MARCHF1: variants seen among roughly 807,000 people sequenced by gnomAD.
MARCHF1 encodes the protein membrane associated ring-CH-type finger 1.
A neutral mutation model predicts 54.2 loss-of-function variants in MARCHF1; 40 were observed. The ratio of observed to expected loss-of-function variants is 0.74; its 90% confidence interval spans 0.57 to 0.96. The LOEUF (loss-of-function observed/expected upper bound fraction) is 0.96. MARCHF1 is among the 40% of genes least tolerant of loss of function. The pLI is 0.00. For synonymous variants in MARCHF1, 236 were observed against 236.3 expected, an observed-to-expected ratio of 1.00 and a Z score of 0.01; for missense variants, 586 against 656.5, an observed-to-expected ratio of 0.89 and a Z score of 1.17.
intron 4 of MARCHF1, among the ~76,000 whole-genome samples, chr4:163,771,238 G>A (rs1245638764): frequency 6.6e-6 from 1 of 152,162 alleles, no homozygotes; most frequent in African/African-American, 2.4e-5. Flanking sequence ...GGAGAGGCCA[G>A]GGATGTTATT....
chr4:164,350,729 G>A (rs1444968532), intron 1 of MARCHF1, among the ~76,000 whole-genome samples: 1 of 152,200 alleles, frequency 6.6e-6, no homozygotes, highest in East Asian at 1.9e-4. Flanking sequence ...TTTAGGAGAA[G>A]CCAGTTCAAT....
At chr4:163,782,790 A>G (rs1314099894) in intron 4 of MARCHF1, among the ~76,000 whole-genome samples, 2 of 152,164 alleles carry the variant, frequency 1.3e-5, no homozygotes, top group African/African-American at 4.8e-5. Context: ...AAGTCAGACA[A>G]GTGTAGCAGT....
At chr4:163,800,240 C>T (rs1211169135) in intron 4 of MARCHF1, among the ~76,000 whole-genome samples, 1 of 151,898 alleles carries the variant, frequency 6.6e-6, no homozygotes, top group Admixed American at 6.6e-5. Context: ...TATAGCCAAA[C>T]CTATACATGT....
intron 5 of MARCHF1, among the ~76,000 whole-genome samples, chr4:163,659,920 T>A (rs1743286436): frequency 6.6e-6 from 1 of 152,062 alleles, no homozygotes; most frequent in Admixed American, 6.6e-5. Context: ...CTGGAGAGGA[T>A]GTGGAGAAAT....
At chr4:164,061,082 A>G (rs1312452849) in intron 2 of MARCHF1, among the ~76,000 whole-genome samples, 2 of 152,192 alleles carry the variant, frequency 1.3e-5, no homozygotes, top group Non-Finnish European at 2.9e-5. Flanking sequence ...GGTCATAATA[A>G]GAAACTATTG....
At chr4:163,972,536 AT>A (rs1020238741) in intron 3 of MARCHF1, among the ~76,000 whole-genome samples, 1 of 151,876 alleles carries the variant, frequency 6.6e-6, no homozygotes, top group African/African-American at 2.4e-5. Context: ...CTTAATGTAT[AT>A]GTTTTTGTTT....
chr4:164,301,812 T>G (rs1159119261), intron 1 of MARCHF1, among the ~76,000 whole-genome samples: 1 of 152,148 alleles, frequency 6.6e-6, no homozygotes, highest in East Asian at 1.9e-4. Context: ...GATCGAATGC[T>G]GGAAATGGTC....
intron 4 of MARCHF1, among the ~76,000 whole-genome samples, chr4:163,795,571 T>A (rs576294403): frequency 1.3e-5 from 2 of 152,372 alleles, no homozygotes; most frequent in East Asian, 3.9e-4. Context: ...TGTATGGAAA[T>A]GCAATTTTGT....
At chr4:163,916,859 C>T (rs1035589169) in intron 3 of MARCHF1, among the ~76,000 whole-genome samples, 1 of 152,080 alleles carries the variant, frequency 6.6e-6, no homozygotes, top group African/African-American at 2.4e-5. Context: ...ATCATTATTA[C>T]CCTAAGCCTG....
At chr4:163,830,516 C>T (rs1748988660) in intron 4 of MARCHF1, among the ~76,000 whole-genome samples, 1 of 152,102 alleles carries the variant, frequency 6.6e-6, no homozygotes, top group South Asian at 2.1e-4. Context: ...CACTGGCTCA[C>T]TCATTCTCTA....
intron 2 of MARCHF1, among the ~76,000 whole-genome samples, chr4:164,106,525 C>T (rs1337171413): frequency 4.5e-5 from 6 of 133,626 alleles, no homozygotes; most frequent in Non-Finnish European, 9.4e-5. Context: ...AACAAAAAAC[C>T]AAACACCGCA....
rs117543356 is a variant in MARCHF1 at position 163,847,398 on chromosome 4, A to G, written c.111+6623T>C. Among the ~76,000 whole-genome samples, 69 of 152,258 alleles carry G rather than the reference A, an allele frequency of 4.5e-4. 1 individual carries two copies. The East Asian group carries it at 0.011, about 25-fold the overall frequency. On this transcript the variant is annotated intron_variant, in intron 4 of 9. Transcript: ENST00000514618. ...AAATTTGACTTGCAAAACATGTATT[A>G]TCAGTAAATTTGTTTTATTTCTAGA...
intron 2 of MARCHF1, among the ~76,000 whole-genome samples, chr4:163,994,961 C>T (rs1232740644): frequency 6.6e-6 from 1 of 152,064 alleles, no homozygotes; most frequent in African/African-American, 2.4e-5. Flanking sequence ...ACTTCTGTGA[C>T]CAAATGTGTA....
At chr4:163,962,043 A>C (rs1463380336) in intron 3 of MARCHF1, among the ~76,000 whole-genome samples, 1 of 151,988 alleles carries the variant, frequency 6.6e-6, no homozygotes, top group Non-Finnish European at 1.5e-5. Flanking sequence ...AATAGGACTT[A>C]CTCTAACTTG....
chr4:163,892,526 T>C (rs941481036), intron 3 of MARCHF1, among the ~76,000 whole-genome samples: 2 of 150,256 alleles, frequency 1.3e-5, no homozygotes, highest in Admixed American at 6.6e-5. Flanking sequence ...GTCACAAAAA[T>C]ACAGATATAA....
intron 5 of MARCHF1, among the ~76,000 whole-genome samples, chr4:163,665,605 TAAA>T (rs1743504494): frequency 6.6e-6 from 1 of 152,056 alleles, no homozygotes; most frequent in African/African-American, 2.4e-5. Context: ...CTTAAGAAAA[TAAA>T]AACCTGTTAA....
chr4:163,909,847 C>T (rs1308200163), intron 3 of MARCHF1, among the ~76,000 whole-genome samples: 1 of 152,116 alleles, frequency 6.6e-6, no homozygotes, highest in African/African-American at 2.4e-5. Flanking sequence ...TGAGAGTTTG[C>T]TTGTATGTGA....
intron 2 of MARCHF1, among the ~76,000 whole-genome samples, chr4:164,040,981 A>G (rs964032649): frequency 6.6e-6 from 1 of 152,080 alleles, no homozygotes; most frequent in African/African-American, 2.4e-5. Flanking sequence ...GTTCACTACT[A>G]CCTTTCCTAA....
chr4:164,189,071 C>T (rs908486516), intron 1 of MARCHF1: 27 of 686,374 alleles, frequency 3.9e-5, no homozygotes, highest in Middle Eastern at 3.8e-4. Flanking sequence ...ACCTTCAATG[C>T]GTCTCCTCTC....
Sources: allele counts gnomAD v4.1 joint callset (sites outside exome capture counted in the v4.1 genomes callset), GRCh38; gene constraint gnomAD v4.1.1; transcripts MANE v1.5; gene names NCBI Gene and HGNC (gene_info 2026-07-23, HGNC 2026-07-21).